Variants in SRPK2 observed in about 807,000 individuals in gnomAD.
The protein encoded by SRPK2 is SFRS protein kinase 2.
Under a neutral mutation model 90.8 loss-of-function variants are expected in SRPK2, and 21 were observed. The observed-to-expected ratio is 0.23, with a 90% CI of 0.16 to 0.33. The LOEUF (loss-of-function observed/expected upper bound fraction) is 0.33, where lower values mean the gene tolerates loss of function less well. SRPK2 is among the 10% of genes least tolerant of loss of function. The pLI is 1.00. For synonymous variants in SRPK2, 288 were observed against 311.1 expected, an observed-to-expected ratio of 0.93 and a Z score of 0.78; for missense variants, 620 against 869.0, an observed-to-expected ratio of 0.71 and a Z score of 3.60.
At chr7:105,161,119 G>T (rs1387856735) in intron 6 of SRPK2, among the ~76,000 whole-genome samples, 1 of 151,998 alleles carries the variant, frequency 6.6e-6, no homozygotes, top group Non-Finnish European at 1.5e-5. Flanking sequence ...TAGAGACAGG[G>T]TTTCACCATG....
chr7:105,210,439 TAATTAATAGTA>T (rs1387681725), intron 2 of SRPK2, among the ~76,000 whole-genome samples: 3 of 152,228 alleles, frequency 2.0e-5, no homozygotes, highest in African/African-American at 7.2e-5. Flanking sequence ...ACCCAATTTC[TAATTAATAGTA>T]GAATCGGTCA....
chr7:105,142,725 T>C (rs1803972021), intron 10 of SRPK2, among the ~76,000 whole-genome samples: 1 of 152,212 alleles, frequency 6.6e-6, no homozygotes. Flanking sequence ...TAACTCTTTC[T>C]AAATAAAGTT....
chr7:105,340,852 T>G (rs1208038127), intron 2 of SRPK2, among the ~76,000 whole-genome samples: 1 of 152,194 alleles, frequency 6.6e-6, no homozygotes, highest in Non-Finnish European at 1.5e-5. Context: ...TCTTAAAATT[T>G]GTATCTGCCA....
At chr7:105,130,661 C>A (rs1801872027) in intron 13 of SRPK2, among the ~76,000 whole-genome samples, 1 of 151,584 alleles carries the variant, frequency 6.6e-6, no homozygotes, top group Admixed American at 6.6e-5. Flanking sequence ...TATTAAATGT[C>A]CTATTTTTAC....
At chr7:105,369,826 G>A (rs530606746) in intron 2 of SRPK2, among the ~76,000 whole-genome samples, 2 of 152,180 alleles carry the variant, frequency 1.3e-5, no homozygotes, top group African/African-American at 2.4e-5. Context: ...TCAGGAGTTC[G>A]AGACCAGCCT....
chr7:105,320,073 A>T (rs1312655012), intron 2 of SRPK2, among the ~76,000 whole-genome samples: 1 of 152,228 alleles, frequency 6.6e-6, no homozygotes, highest in Admixed American at 6.5e-5. Flanking sequence ...CCACTTTATT[A>T]AATCTTCACA....
chr7:105,133,252 A>G, intron 11 of SRPK2, 148 bp from the exon 12 acceptor site: 1 of 757,774 alleles, frequency 1.3e-6, no homozygotes, highest in Non-Finnish European at 2.2e-6. Flanking sequence ...ACTTGACAGA[A>G]CTAAAATTGC....
rs370980896 is a variant in SRPK2, at chr7:105,396,798, A to G, written n.153+2358T>C. On this transcript the variant is annotated intron_variant and non_coding_transcript_variant, in intron 1 of 3. Transcript: ENST00000462282. ...AAAGAGAGAGAAAGAAAGAAAGAGA[A>G]AGAGAAAGAAAGAAAGAGAGAAAGA... Among the ~76,000 whole-genome samples, 838 of 98,950 alleles carry G rather than the reference A, an allele frequency of 8.5e-3. 5 individuals carry two copies. The highest frequency in any genetic ancestry group is 0.017 in the African/African-American group (553 of 32,978). 64.9% of individuals were successfully genotyped at this position (98,950 alleles called of 152,430 possible).
At chr7:105,370,827 G>A (rs1176452474) in intron 2 of SRPK2, among the ~76,000 whole-genome samples, 1 of 151,786 alleles carries the variant, frequency 6.6e-6, no homozygotes, top group Non-Finnish European at 1.5e-5. Context: ...TGTTGCCCAG[G>A]CTGGTCTTGA....
chr7:105,141,352 G>A (rs939280331), intron 11 of SRPK2, among the ~76,000 whole-genome samples: 39 of 152,158 alleles, frequency 2.6e-4, no homozygotes, highest in Admixed American at 2.0e-4. Flanking sequence ...AAGCCAGTAT[G>A]GAAACCAGCT....
At chr7:105,152,548 C>G (rs80090652) in intron 7 of SRPK2, among the ~76,000 whole-genome samples, 15 of 152,150 alleles carry the variant, frequency 9.9e-5, no homozygotes, top group Non-Finnish European at 1.8e-4. Flanking sequence ...CCAACATTGA[C>G]GAGAACTCCT....
At chr7:105,330,498 T>G (rs188219044) in intron 2 of SRPK2, among the ~76,000 whole-genome samples, 1 of 152,156 alleles carries the variant, frequency 6.6e-6, no homozygotes, top group African/African-American at 2.4e-5. Flanking sequence ...GTAGCAAACA[T>G]TAACAACAGG....
rs148840447 is a variant in SRPK2 at position 105,127,295 on chromosome 7, G to A, written c.1753-233C>T. Among the ~76,000 whole-genome samples the A allele has an allele frequency of 2.6e-5, 4 of 152,296 alleles. No homozygotes were observed. The East Asian group carries it at 7.7e-4, about 29-fold the overall frequency. On this transcript the variant is annotated intron_variant, in intron 13 of 15. Transcript: ENST00000393651. ...AGCTATGTATTCTCTTCATTTTGCA[G>A]GAAGCAAAACCAAAACGTCAGTGAG...
intron 2 of SRPK2, among the ~76,000 whole-genome samples, chr7:105,271,419 T>C (rs1805813511): frequency 6.6e-6 from 1 of 152,194 alleles, no homozygotes. Flanking sequence ...TTCAGATTTG[T>C]TCATCGCTCC....
chr7:105,184,707 A>C (rs1793348450), intron 3 of SRPK2, among the ~76,000 whole-genome samples: 1 of 152,186 alleles, frequency 6.6e-6, no homozygotes, highest in South Asian at 2.1e-4. Context: ...TGGATGTAAA[A>C]TATTTGACTG....
chr7:105,125,944 C>G (rs1264415644), intron 15 of SRPK2: 2 of 791,826 alleles, frequency 2.5e-6, no homozygotes, highest in South Asian at 1.6e-5. Flanking sequence ...CATGCAGACA[C>G]TACCACCGCC....
At chr7:105,224,194 T>C (rs960335992) in intron 2 of SRPK2, among the ~76,000 whole-genome samples, 1 of 152,236 alleles carries the variant, frequency 6.6e-6, no homozygotes, top group Admixed American at 6.5e-5. Flanking sequence ...TGAGTCTATA[T>C]ATTCATTCAA....
rs1281506478 is a variant in SRPK2 at position 105,168,102 on chromosome 7, G to GA, written c.339-8dup. 8.8e-6 allele frequency: 14 copies of GA among 1,595,884 alleles called. No homozygotes were observed. The highest frequency in any genetic ancestry group is 2.2e-5 in the East Asian group (1 of 44,612). ...TGCAACAAATCTTTTCCCCCTAAAA[G>GA]AAAAAACAAAAAAAGAGTCTATTTA... On this transcript the variant is annotated splice_polypyrimidine_tract_variant and splice_region_variant and intron_variant, in intron 4 of 15. Transcript: ENST00000393651.
chr7:105,197,697 T>A (rs1487285732), intron 3 of SRPK2, among the ~76,000 whole-genome samples: 1 of 152,126 alleles, frequency 6.6e-6, no homozygotes, highest in African/African-American at 2.4e-5. Context: ...AATTCCACAC[T>A]ATGATAAGTT....
Sources: allele counts gnomAD v4.1 joint callset (sites outside exome capture counted in the v4.1 genomes callset), GRCh38; gene constraint gnomAD v4.1.1; transcripts MANE v1.5; gene names NCBI Gene and HGNC (gene_info 2026-07-23, HGNC 2026-07-21).